MACROH2A1: variants seen among roughly 807,000 people sequenced by gnomAD.
MACROH2A1 encodes macroH2A.1 histone.
A neutral mutation model predicts 31.6 loss-of-function variants in MACROH2A1; 2 were observed. The ratio of observed to expected loss-of-function variants is 0.06; its 90% CI spans 0.03 to 0.20. MACROH2A1 has a LOEUF of 0.20. MACROH2A1 is among the 10% of genes least tolerant of loss of function. MACROH2A1 has a pLI of 1.00. For synonymous variants in MACROH2A1, 169 were observed against 189.6 expected, an observed-to-expected ratio of 0.89 and a Z score of 0.89; for missense variants, 230 against 474.0, an observed-to-expected ratio of 0.49 and a Z score of 4.78.
intron 8 of MACROH2A1, among the ~76,000 whole-genome samples, chr5:135,339,400 T>G (rs1236217149): frequency 6.6e-6 from 1 of 152,148 alleles, no homozygotes; most frequent in East Asian, 1.9e-4. Flanking sequence ...GGGACTTCAC[T>G]AAGCACCCCT....
intron 2 of MACROH2A1, among the ~76,000 whole-genome samples, chr5:135,384,049 T>C (rs1766058330): frequency 6.6e-6 from 1 of 152,108 alleles, no homozygotes; most frequent in Admixed American, 6.5e-5. Context: ...GTAAAGAGAT[T>C]TGGGACTTAT....
At chr5:135,353,175 C>T in intron 5 of MACROH2A1, 130 bp from the exon 6 acceptor site, 3 of 664,052 alleles carry the variant, frequency 4.5e-6, no homozygotes, top group Non-Finnish European at 8.2e-6. Context: ...CAGGGAGTTG[C>T]TGGCTCAAAT....
At chr5:135,376,745 CTTA>C (rs951480058) in intron 2 of MACROH2A1, among the ~76,000 whole-genome samples, 1 of 152,186 alleles carries the variant, frequency 6.6e-6, no homozygotes, top group Non-Finnish European at 1.5e-5. Context: ...TACCTCTAGG[CTTA>C]TGAGATTAAT....
intron 1 of MACROH2A1, among the ~76,000 whole-genome samples, chr5:135,396,152 C>CA (rs895324104): frequency 1.1e-4 from 16 of 152,206 alleles, no homozygotes; most frequent in African/African-American, 2.6e-4. Context: ...GCCTGCTTTA[C>CA]AAAAAAACTT....
At position 135,346,015 on chromosome 5, in the gene MACROH2A1, G is replaced by C; in HGVS notation, c.731C>G (p.Ala244Gly). Reference sequence around the variant, plus strand: ...GTTCTTTTTCCGGAGTTCCAGGACAGCTTCCACAAACTCCTTGCCACCTTT... The same window carrying C: ...GTTCTTTTTCCGGAGTTCCAGGACACCTTCCACAAACTCCTTGCCACCTTT... ...EKKGGKEFVEAVLELRKKNGP... is the reference protein window; with the variant it reads ...EKKGGKEFVEGVLELRKKNGP... The change falls in exon 7 of 9, where the codon GCT becomes GGT. Residue 244 changes from alanine to glycine, a missense_variant. Physicochemically the swap from Ala to Gly is moderately conservative, Grantham distance 60. This residue lies in a region of MACROH2A1 where 183 missense variants were observed against 319.3 expected (regional missense o/e 0.57). Transcript: ENST00000511689. 1 of 1,614,048 alleles carries C rather than the reference G, an allele frequency of 6.2e-7. No homozygotes were observed. Among genetic ancestry groups the C allele is most frequent in the Non-Finnish European group, 8.5e-7 (1 of 1,179,882 alleles).
chr5:135,369,276 C>T lies in MACROH2A1; in HGVS notation c.477+130G>A. ...AGCCCCTCTGGAGAGTAATCAGCTC[C>T]TACATGTTCCTCCTTTATTCTCCCA... On this transcript the variant is annotated intron_variant, in intron 4 of 8. Coordinates refer to ENST00000511689, the MANE Select transcript of MACROH2A1 (RefSeq NM_138610.3). The surrounding 1 kb of genome is among the most constrained non-coding windows in gnomAD (Gnocchi z 4.3). 1.3e-6 allele frequency: 1 copy of T among 788,098 alleles called. No homozygotes were observed. The highest frequency in any genetic ancestry group is 2.2e-6 in the Non-Finnish European group (1 of 461,480). 48.8% of individuals were successfully genotyped at this position (788,098 alleles called of 1,614,324 possible).
At chr5:135,364,050 T>C (rs1401485093) in intron 4 of MACROH2A1, among the ~76,000 whole-genome samples, 1 of 152,234 alleles carries the variant, frequency 6.6e-6, no homozygotes, top group African/African-American at 2.4e-5. Context: ...AAGTTCTTTG[T>C]AGATTCTGGA....
At chr5:135,358,028 T>C in intron 5 of MACROH2A1, 2 of 983,778 alleles carry the variant, frequency 2.0e-6, no homozygotes, top group Non-Finnish European at 2.4e-6. Context: ...TACCATATAG[T>C]CACCATTCTA....
At chr5:135,384,798 G>C (rs767451908) in intron 2 of MACROH2A1, among the ~76,000 whole-genome samples, 1 of 152,232 alleles carries the variant, frequency 6.6e-6, no homozygotes, top group Non-Finnish European at 1.5e-5. Context: ...TGATGAGACA[G>C]TTACTGTGAT....
At chr5:135,370,736 A>G (rs1581260428) in intron 2 of MACROH2A1, among the ~76,000 whole-genome samples, 1 of 152,362 alleles carries the variant, frequency 6.6e-6, no homozygotes, top group Non-Finnish European at 1.5e-5. Flanking sequence ...TAGATTCAAA[A>G]GGTGAAAAAG....
chr5:135,349,283 A>AT (rs1225104028), intron 6 of MACROH2A1, among the ~76,000 whole-genome samples: 1 of 152,052 alleles, frequency 6.6e-6, no homozygotes, highest in Non-Finnish European at 1.5e-5. Flanking sequence ...CTGTTCATTT[A>AT]TTTTTCTCTA....
chr5:135,350,293 C>G (rs1441520061), intron 6 of MACROH2A1, among the ~76,000 whole-genome samples: 1 of 152,090 alleles, frequency 6.6e-6, no homozygotes, highest in East Asian at 1.9e-4. Flanking sequence ...TCTGAGAACC[C>G]TAAGTGTGGG....
chr5:135,360,419 C>T, intron 5 of MACROH2A1, 78 bp downstream of exon 5: 1 of 969,546 alleles, frequency 1.0e-6, no homozygotes, highest in Non-Finnish European at 1.7e-6. Flanking sequence ...GGGATCCCCC[C>T]AGCCTTCCAG....
At chr5:135,372,053 G>A (rs908906525) in intron 2 of MACROH2A1, among the ~76,000 whole-genome samples, 8 of 152,264 alleles carry the variant, frequency 5.3e-5, no homozygotes, top group East Asian at 1.9e-4. Flanking sequence ...GGGCAGGGGC[G>A]GGAGGAGATC....
In MACROH2A1 at chr5:135,370,108, T is replaced by C. The variant is rs754787682; in HGVS notation, c.207A>G (p.Arg69=). Residue 69 remains arginine (R), a synonymous_variant, in exon 3 of 9, where the codon AGA becomes AGG. Coordinates refer to ENST00000511689, the MANE Select transcript of MACROH2A1 (RefSeq NM_138610.3). ...EILELAGNAA[R]DNKKGRVTPR... is the part of the protein sequence containing the mutation. Reference sequence around the variant, plus strand: ...GTGTGACCCGTCCCTTCTTGTTGTCTCTCGCTGCATTGCCAGCCAGCTCCA... The same window carrying C: ...GTGTGACCCGTCCCTTCTTGTTGTCCCTCGCTGCATTGCCAGCCAGCTCCA... The C allele has an allele frequency of 8.7e-6, 14 of 1,613,558 alleles. No individual in the cohort carries two copies. Among genetic ancestry groups the C allele is most frequent in the Non-Finnish European group, 1.1e-5 (13 of 1,179,790 alleles).
intron 6 of MACROH2A1, chr5:135,351,004 T>C: frequency 2.4e-6 from 2 of 832,034 alleles, no homozygotes; most frequent in Non-Finnish European, 4.0e-6. Flanking sequence ...AGGGCTGGCC[T>C]ACCTGGTCGA....
At chr5:135,343,490 A>C (rs752583741) in intron 7 of MACROH2A1, 56 bp from the exon 8 acceptor site, 3 of 1,602,202 alleles carry the variant, frequency 1.9e-6, no homozygotes, top group Non-Finnish European at 2.6e-6. Flanking sequence ...GCAAAGCACA[A>C]GATGCCAAAC....
intron 2 of MACROH2A1, among the ~76,000 whole-genome samples, chr5:135,383,695 GGTGTGGTGTGT>G (rs1214575745): frequency 1.4e-5 from 2 of 146,172 alleles, no homozygotes; most frequent in African/African-American, 5.1e-5. Flanking sequence ...TGTGTGATGT[GGTGTGGTGTGT>G]GTGTGTGTGT....
At chr5:135,383,784 C>A (rs1435963358) in intron 2 of MACROH2A1, among the ~76,000 whole-genome samples, 1 of 148,836 alleles carries the variant, frequency 6.7e-6, no homozygotes, top group Non-Finnish European at 1.5e-5. Flanking sequence ...AAGGGCTTTG[C>A]AGAACACAGC....
Sources: gnomAD v4.1 joint callset for allele counts (sites outside exome capture counted in the v4.1 genomes callset) on GRCh38, gnomAD v4.1.1 for gene constraint, gnomAD v4.1.1 regional missense constraint, Gnocchi (gnomAD v3.1) non-coding constraint, MANE v1.5 for transcripts, NCBI Gene and HGNC (gene_info 2026-07-23, HGNC 2026-07-21) for gene names.